The following CNTNAP3B variants were observed in gnomAD, a reference collection of about 807,000 sequenced individuals.
CNTNAP3B encodes the protein contactin-associated protein-like 3B.
Under a neutral mutation model 108.9 loss-of-function variants are expected in CNTNAP3B, and 25 were observed. The ratio of observed to expected loss-of-function variants is 0.23; its 90% CI spans 0.17 to 0.32. The LOEUF is 0.32. Among genes scored for constraint, CNTNAP3B ranks in the 10% least tolerant of loss-of-function variants. The probability of loss-of-function intolerance (pLI) is 1.00; values close to 1 mark genes in which losing one functional copy is unlikely to be tolerated. For synonymous variants in CNTNAP3B, 103 were observed against 473.4 expected (o/e 0.22, Z 10.16); for missense variants, 252 against 1,210.4 (o/e 0.21, Z 11.75).
At chr9:41,925,576 G>A (rs1397558442) in intron 15 of CNTNAP3B, among the ~76,000 whole-genome samples, 1 of 151,308 alleles carries the variant, frequency 6.6e-6, no homozygotes, top group Non-Finnish European at 1.5e-5. Flanking sequence ...CTGCGCAACA[G>A]AGCGAGACTC....
rs907140310 is a variant in CNTNAP3B, at chr9:42,033,193, A to G, written c.391-19668T>C. ...GGCTTTACAAAAGAATCACTTTCCC[A>G]TTAATAATGGTCACTATTGTTGGTT... On this transcript the variant is annotated intron_variant, in intron 3 of 23. Transcript: ENST00000377561. Among the ~76,000 whole-genome samples the G allele has an allele frequency of 2.9e-5, 4 of 139,710 alleles. 2 individuals carry two copies. The highest frequency in any genetic ancestry group is 1.1e-4 in the African/African-American group (4 of 35,414). The allele number at this position is 139,710 out of a possible 152,430, so 91.7% of individuals were successfully genotyped here. A position where few individuals can be genotyped will look rare whatever the true frequency, so the allele number is the denominator to read the frequency against.
At chr9:41,917,251 A>G (rs1476812934) in intron 18 of CNTNAP3B, among the ~76,000 whole-genome samples, 17,417 of 108,254 alleles carry the variant, frequency 0.16, 60 homozygotes, top group South Asian at 0.3. Context: ...CAGGATACAT[A>G]ATCTCTACTG....
intron 10 of CNTNAP3B, among the ~76,000 whole-genome samples, chr9:41,968,393 A>C (rs1472433065): frequency 7.2e-6 from 1 of 139,326 alleles, no homozygotes. Flanking sequence ...CTTCCCAACT[A>C]CCCTTCCCAC....
chr9:41,939,626 C>T (rs1346063442), intron 13 of CNTNAP3B, among the ~76,000 whole-genome samples: 1 of 152,294 alleles, frequency 6.6e-6, no homozygotes, highest in African/African-American at 2.4e-5. Flanking sequence ...AAAATTAATA[C>T]ACTCTTCTCG....
At chr9:41,932,252 A>G (rs1227275266) in intron 14 of CNTNAP3B, among the ~76,000 whole-genome samples, 2 of 152,066 alleles carry the variant, frequency 1.3e-5, no homozygotes, top group Non-Finnish European at 2.9e-5. Flanking sequence ...AGGTACCATA[A>G]TCTCTTGGAG....
chr9:42,111,399 T>C (rs1828190062), intron 1 of CNTNAP3B, among the ~76,000 whole-genome samples: 1 of 138,620 alleles, frequency 7.2e-6, no homozygotes, highest in South Asian at 2.3e-4. Context: ...AATAAACAAA[T>C]AAAGGCATAG....
intron 3 of CNTNAP3B, among the ~76,000 whole-genome samples, chr9:42,070,773 T>C (rs1048544120): frequency 1.3e-5 from 2 of 152,128 alleles, no homozygotes; most frequent in African/African-American, 2.4e-5. Flanking sequence ...CTCCGTTAGT[T>C]CCACTCACAT....
At chr9:42,069,178 AAATATTACC>A (rs1252636310) in intron 3 of CNTNAP3B, among the ~76,000 whole-genome samples, 1 of 111,724 alleles carries the variant, frequency 9.0e-6, no homozygotes, top group Admixed American at 9.3e-5. Flanking sequence ...AAATATTACC[AAATATTACC>A]AATATTACCA....
At chr9:41,963,337 G>A (rs1421645871) in intron 11 of CNTNAP3B, among the ~76,000 whole-genome samples, 24 of 152,152 alleles carry the variant, frequency 1.6e-4, no homozygotes, top group East Asian at 1.9e-4. Context: ...GCTCAGAAAC[G>A]TCAGTAGAGA....
Position 41,996,330 on chromosome 9 carries a change from G to C in CNTNAP3B, c.946C>G (p.Leu316Val). The change falls in exon 7 of 24, where the codon CTG becomes GTG. Residue 316 changes from leucine to valine, a missense_variant. Leu to Val is a conservative substitution (Grantham distance 32). Coordinates refer to ENST00000377561, the MANE Select transcript of CNTNAP3B (RefSeq NM_001201380.3). ...LNFEISFGGI[L>V]SPGRSRAFTR... ...AATGCCCGTGATCTTCCGGGTGACA[G>C]AATTCCCCCAAAGCTGATCTTAGAA... 2 of 1,537,220 alleles carry C rather than the reference G, an allele frequency of 1.3e-6. 1 individual carries two copies. Among genetic ancestry groups the C allele is most frequent in the African/African-American group, 3.2e-5 (2 of 62,690 alleles).
intron 14 of CNTNAP3B, among the ~76,000 whole-genome samples, chr9:41,933,969 T>C (rs1027543512): frequency 4.9e-5 from 7 of 143,250 alleles, no homozygotes; most frequent in African/African-American, 1.9e-4. Flanking sequence ...CTAAACGATA[T>C]ATGGCTGCTA....
chr9:42,063,920 T>G, intron 3 of CNTNAP3B, among the ~76,000 whole-genome samples: 1 of 149,676 alleles, frequency 6.7e-6, no homozygotes, highest in Admixed American at 6.6e-5. Flanking sequence ...TAGACCTTTG[T>G]CCCTCTATTC....
At chr9:41,928,695 G>T (rs1233924338) in intron 15 of CNTNAP3B, among the ~76,000 whole-genome samples, 1 of 151,860 alleles carries the variant, frequency 6.6e-6, no homozygotes, top group African/African-American at 2.4e-5. Context: ...AATGTATGAT[G>T]CTAGTGGGTA....
rs548177128 is a variant in CNTNAP3B at position 42,026,519 on chromosome 9, G to A, written c.391-12994C>T. Reference sequence around the variant, plus strand: ...GGAGAATGACATGAAGCTGGGAGGCGGAGCTTGCAGCGAGCCCAGATGGCT... The same window carrying A: ...GGAGAATGACATGAAGCTGGGAGGCAGAGCTTGCAGCGAGCCCAGATGGCT... On this transcript the variant is annotated intron_variant, in intron 3 of 23. Coordinates refer to ENST00000377561, the MANE Select transcript of CNTNAP3B (RefSeq NM_001201380.3). Among the ~76,000 whole-genome samples, 4 of 95,504 alleles carry A rather than the reference G, an allele frequency of 4.2e-5. No individual in the cohort carries two copies. The South Asian group carries it at 1.3e-3, about 30-fold the overall frequency. The allele number at this position is 95,504 out of a possible 152,430, so 62.7% of individuals were successfully genotyped here.
intron 1 of CNTNAP3B, among the ~76,000 whole-genome samples, chr9:42,113,376 T>A (rs1828236896): frequency 7.2e-6 from 1 of 139,480 alleles, no homozygotes; most frequent in Admixed American, 7.1e-5. Context: ...ACTTCTGTGA[T>A]AAATTCAATA....
intron 3 of CNTNAP3B, among the ~76,000 whole-genome samples, chr9:42,037,277 AAAAAAG>A (rs1385808768): frequency 2.1e-4 from 15 of 71,840 alleles, no homozygotes; most frequent in East Asian, 1.7e-3. Context: ...TAATTAAAAA[AAAAAAG>A]AAAAAAGAAA....
intron 15 of CNTNAP3B, among the ~76,000 whole-genome samples, chr9:41,926,479 A>G (rs2117982305): frequency 6.6e-6 from 1 of 152,420 alleles, no homozygotes; most frequent in Non-Finnish European, 1.5e-5. Flanking sequence ...TATTTATTTT[A>G]GAGATGAGGT....
intron 15 of CNTNAP3B, among the ~76,000 whole-genome samples, chr9:41,928,574 T>A (rs1823884346): frequency 6.6e-6 from 1 of 152,294 alleles, no homozygotes; most frequent in Non-Finnish European, 1.5e-5. Context: ...TCGGCAAGAA[T>A]GTACAGAGAG....
chr9:42,114,964 G>A (rs1828280218), intron 1 of CNTNAP3B, among the ~76,000 whole-genome samples: 1 of 136,188 alleles, frequency 7.3e-6, no homozygotes, highest in Admixed American at 7.3e-5. Flanking sequence ...TGAGGCAGGA[G>A]AATCACTGGA....
Sources: allele counts gnomAD v4.1 joint callset (sites outside exome capture counted in the v4.1 genomes callset), GRCh38; gene constraint gnomAD v4.1.1; transcripts MANE v1.5; gene names NCBI Gene and HGNC (gene_info 2026-07-23, HGNC 2026-07-21).